The following WWOX variants were observed in gnomAD, a reference collection of about 807,000 sequenced individuals.
WWOX encodes the protein WW domain-containing oxidoreductase.
A neutral mutation model predicts 46.2 loss-of-function variants in WWOX; 69 were observed. That is an observed-to-expected ratio of 1.49 (90% CI 1.23 to 1.82). WWOX has a LOEUF of 1.82. WWOX is among the 40% of genes most tolerant of loss of function. The pLI, the probability that WWOX is intolerant of heterozygous loss-of-function variation, is 0.00. For synonymous variants in WWOX, 359 were observed against 202.6 expected (o/e 1.77, Z -6.56); for missense variants, 919 against 542.6 (o/e 1.69, Z -6.89).
chr16:78,649,325 C>G (rs1273167808), intron 8 of WWOX, among the ~76,000 whole-genome samples: 15 of 151,970 alleles, frequency 9.9e-5, no homozygotes, highest in African/African-American at 3.6e-4. Context: ...ACACTGTTTA[C>G]CAGATTGGAG....
At chr16:79,018,712 G>A (rs1186340535) in intron 8 of WWOX, among the ~76,000 whole-genome samples, 2 of 152,136 alleles carry the variant, frequency 1.3e-5, no homozygotes, top group African/African-American at 4.8e-5. Flanking sequence ...ACCAGAAAGT[G>A]ATTGATTCTG....
chr16:79,170,316 G>A (rs552070631), intron 8 of WWOX, among the ~76,000 whole-genome samples: 12 of 152,304 alleles, frequency 7.9e-5, no homozygotes, highest in Non-Finnish European at 1.8e-4. Context: ...GAGAAGCTAC[G>A]TGATCTATGC....
chr16:78,929,365 C>G (rs949932477), intron 8 of WWOX, among the ~76,000 whole-genome samples: 1 of 151,600 alleles, frequency 6.6e-6, no homozygotes, highest in East Asian at 1.9e-4. Flanking sequence ...CATATTTTTT[C>G]TCCTGCTTGC....
In WWOX at chr16:79,160,565, G is replaced by A. The variant is rs539866772; in HGVS notation, c.1057-51043G>A. On this transcript the variant is annotated intron_variant, in intron 8 of 8. Transcript: ENST00000566780. ...GTCATATAAATTCTGAGGTGAAGTG[G>A]AGGCATTATGGATGCATTTTATTTT... Among the ~76,000 whole-genome samples, 8 of 152,256 alleles carry A rather than the reference G, an allele frequency of 5.3e-5. No individual in the cohort carries two copies. In the East Asian group the frequency reaches 1.2e-3, roughly 22 times the overall value.
At chr16:79,152,759 G>A (rs2050306583) in intron 8 of WWOX, among the ~76,000 whole-genome samples, 1 of 152,142 alleles carries the variant, frequency 6.6e-6, no homozygotes, top group Non-Finnish European at 1.5e-5. Flanking sequence ...GCAGAGCTCA[G>A]GGAATTATTC....
intron 8 of WWOX, among the ~76,000 whole-genome samples, chr16:78,608,339 C>T (rs572932161): frequency 6.6e-6 from 1 of 152,186 alleles, no homozygotes; most frequent in Admixed American, 6.5e-5. Flanking sequence ...TGCTTTCTTT[C>T]AAAGCCCTTA....
At chr16:78,799,353 G>A (rs1419002361) in intron 8 of WWOX, among the ~76,000 whole-genome samples, 1 of 152,172 alleles carries the variant, frequency 6.6e-6, no homozygotes, top group African/African-American at 2.4e-5. Flanking sequence ...AATGTATGGT[G>A]TCCATCTGGG....
chr16:78,961,815 T>G (rs994741103), intron 8 of WWOX, among the ~76,000 whole-genome samples: 1 of 152,216 alleles, frequency 6.6e-6, no homozygotes, highest in African/African-American at 2.4e-5. Flanking sequence ...GTCCTGAATC[T>G]TAATGCATCT....
At chr16:78,589,997 A>G (rs751606270) in intron 8 of WWOX, among the ~76,000 whole-genome samples, 14 of 152,174 alleles carry the variant, frequency 9.2e-5, no homozygotes, top group Non-Finnish European at 2.1e-4. Context: ...TGGTCACTCA[A>G]CAAATTTTGT....
At chr16:79,113,964 C>G (rs1228519535) in intron 8 of WWOX, among the ~76,000 whole-genome samples, 3 of 152,224 alleles carry the variant, frequency 2.0e-5, no homozygotes, top group Non-Finnish European at 4.4e-5. Context: ...GTGTTCTTGA[C>G]AAGCCATGTC....
intron 8 of WWOX, among the ~76,000 whole-genome samples, chr16:78,586,404 A>T (rs1003211003): frequency 6.6e-6 from 1 of 152,012 alleles, no homozygotes; most frequent in Non-Finnish European, 1.5e-5. Context: ...CAAAATGGGG[A>T]GGTAAGGCCA....
intron 5 of WWOX, among the ~76,000 whole-genome samples, chr16:78,258,831 T>A (rs894775507): frequency 6.6e-6 from 1 of 152,178 alleles, no homozygotes; most frequent in African/African-American, 2.4e-5. Flanking sequence ...AAGAAACATT[T>A]ATGGAACAGT....
At chr16:78,815,925 T>G (rs934028357) in intron 8 of WWOX, among the ~76,000 whole-genome samples, 3 of 152,132 alleles carry the variant, frequency 2.0e-5, no homozygotes, top group African/African-American at 7.2e-5. Context: ...CCCAACCCAT[T>G]CACTGGCCCT....
intron 4 of WWOX, among the ~76,000 whole-genome samples, chr16:78,121,532 C>G (rs913893060): frequency 1.3e-5 from 2 of 152,126 alleles, no homozygotes; most frequent in East Asian, 1.9e-4. Flanking sequence ...TTAAAACATT[C>G]TAATGAGCAT....
chr16:79,175,295 G>A (rs2050778703), intron 8 of WWOX, among the ~76,000 whole-genome samples: 2 of 152,198 alleles, frequency 1.3e-5, no homozygotes, highest in Non-Finnish European at 2.9e-5. Context: ...TTCAACATAA[G>A]AAAGCCTATA....
At chr16:78,352,991 T>G (rs1340095376) in intron 5 of WWOX, among the ~76,000 whole-genome samples, 1 of 152,232 alleles carries the variant, frequency 6.6e-6, no homozygotes, top group African/African-American at 2.4e-5. Context: ...TGAAAAGCAG[T>G]CTTAGAAATT....
At chr16:78,300,202 C>G (rs1201639372) in intron 5 of WWOX, among the ~76,000 whole-genome samples, 1 of 151,998 alleles carries the variant, frequency 6.6e-6, no homozygotes, top group African/African-American at 2.4e-5. Context: ...CAATAATTTC[C>G]TAAGGTAGTC....
chr16:78,367,087 C>T (rs992330158), intron 5 of WWOX, among the ~76,000 whole-genome samples: 5 of 148,404 alleles, frequency 3.4e-5, no homozygotes, highest in African/African-American at 1.2e-4. Flanking sequence ...TTACGCCATT[C>T]TCCTGCCTCA....
intron 8 of WWOX, among the ~76,000 whole-genome samples, chr16:79,043,007 G>C (rs2048001450): frequency 6.6e-6 from 1 of 152,064 alleles, no homozygotes; most frequent in Non-Finnish European, 1.5e-5. Context: ...TTGTCTTTGA[G>C]CTTTTCTGTT....
Sources: gnomAD v4.1 joint callset for allele counts (sites outside exome capture counted in the v4.1 genomes callset) on GRCh38, gnomAD v4.1.1 for gene constraint, MANE v1.5 for transcripts, NCBI Gene and HGNC (gene_info 2026-07-23, HGNC 2026-07-21) for gene names.